The following NPAT variants were observed in gnomAD, a reference collection of about 807,000 sequenced individuals.
NPAT encodes the protein nuclear protein, coactivator of histone transcription.
NPAT carries 52 observed loss-of-function variants against 130.7 expected under a neutral mutation model. The ratio of observed to expected loss-of-function variants is 0.40; its 90% confidence interval spans 0.32 to 0.50. The LOEUF is 0.50. Among genes scored for constraint, NPAT ranks in the 20% least tolerant of loss-of-function variants. The pLI, the probability that NPAT is intolerant of heterozygous loss-of-function variation, is 0.68. For missense variants in NPAT, 1,687 were observed against 1,662.6 expected (o/e 1.01, Z -0.26); for synonymous variants, 580 against 584.8 (o/e 0.99, Z 0.12).
chr11:108,200,249 G>A (rs2078262745), intron 1 of NPAT, among the ~76,000 whole-genome samples: 1 of 152,146 alleles, frequency 6.6e-6, no homozygotes, highest in African/African-American at 2.4e-5. Context: ...CTCTTGGGAG[G>A]CAACTTATTA....
At chr11:108,216,870 G>C (rs573716645) in intron 1 of NPAT, among the ~76,000 whole-genome samples, 4 of 152,246 alleles carry the variant, frequency 2.6e-5, no homozygotes, top group African/African-American at 9.6e-5. Context: ...GATTAGATTT[G>C]ATGTATTCTG....
At chr11:108,177,209 TG>T (rs1334997745) in intron 10 of NPAT, 119 bp from the exon 11 acceptor site, 4 of 437,146 alleles carry the variant, frequency 9.2e-6, no homozygotes, top group African/African-American at 8.3e-5. Flanking sequence ...AGTGGTACAG[TG>T]GTAGAGTCAC....
At chr11:108,202,159 G>A (rs185544365) in intron 1 of NPAT, among the ~76,000 whole-genome samples, 141 of 151,822 alleles carry the variant, frequency 9.3e-4, no homozygotes, top group South Asian at 2.9e-3. Context: ...CCCTGCCCAT[G>A]CCACTATCTG....
chr11:108,180,596 G>C (rs987191373), intron 10 of NPAT, among the ~76,000 whole-genome samples: 2 of 151,242 alleles, frequency 1.3e-5, no homozygotes, highest in African/African-American at 4.9e-5. Context: ...CTTGTACACT[G>C]TTGGTGGGAA....
chr11:108,205,957 A>G (rs2078321179), intron 1 of NPAT, among the ~76,000 whole-genome samples: 1 of 152,160 alleles, frequency 6.6e-6, no homozygotes. Context: ...AGACATGAGA[A>G]TCTCTTGAAC....
chr11:108,205,797 C>CT (rs2078320060), intron 1 of NPAT, among the ~76,000 whole-genome samples: 1 of 152,266 alleles, frequency 6.6e-6, no homozygotes, highest in African/African-American at 2.4e-5. Context: ...AATCCCAGCA[C>CT]TTTGAGAGGT....
At chr11:108,214,759 AG>A (rs2078417839) in intron 1 of NPAT, among the ~76,000 whole-genome samples, 1 of 151,842 alleles carries the variant, frequency 6.6e-6, no homozygotes, top group Admixed American at 6.6e-5. Context: ...CAGCCTCCCA[AG>A]TAGCTGGGAT....
At chr11:108,207,896 G>A (rs917458511) in intron 1 of NPAT, among the ~76,000 whole-genome samples, 1 of 152,240 alleles carries the variant, frequency 6.6e-6, no homozygotes, top group Non-Finnish European at 1.5e-5. Flanking sequence ...GCTGCAGCCG[G>A]CGTCTTGGCA....
intron 15 of NPAT, among the ~76,000 whole-genome samples, chr11:108,163,555 T>C (rs551093854): frequency 1.6e-4 from 25 of 152,260 alleles, no homozygotes; most frequent in African/African-American, 5.3e-4. Flanking sequence ...AATGGGCATG[T>C]ACATTTCCAA....
intron 1 of NPAT, among the ~76,000 whole-genome samples, chr11:108,212,251 G>A (rs2078391152): frequency 6.6e-6 from 1 of 152,068 alleles, no homozygotes; most frequent in African/African-American, 2.4e-5. Context: ...CAGGCCGGGT[G>A]CAGTGGCTCA....
At chr11:108,198,909 T>A (rs77676199) in intron 1 of NPAT, among the ~76,000 whole-genome samples, 3,350 of 152,304 alleles carry the variant, frequency 0.022, 127 homozygotes, top group African/African-American at 0.076. Flanking sequence ...GGACAAGATC[T>A]CAGAACCTGC....
At chr11:108,203,309 T>C (rs892844357) in intron 1 of NPAT, among the ~76,000 whole-genome samples, 1 of 152,182 alleles carries the variant, frequency 6.6e-6, no homozygotes, top group Non-Finnish European at 1.5e-5. Context: ...CCCAATTCTG[T>C]GAACTAGGGC....
At chr11:108,194,631 C>T (rs1591406440) in intron 2 of NPAT, among the ~76,000 whole-genome samples, 5 of 152,102 alleles carry the variant, frequency 3.3e-5, no homozygotes, top group South Asian at 2.1e-4. Flanking sequence ...AAGACATCTT[C>T]GTTGTCACCA....
At chr11:108,209,572 CA>C (rs1239064856) in intron 1 of NPAT, among the ~76,000 whole-genome samples, 1 of 152,014 alleles carries the variant, frequency 6.6e-6, no homozygotes, top group Non-Finnish European at 1.5e-5. Flanking sequence ...AACAAGTAAA[CA>C]AAAACCTTAA....
At chr11:108,205,625 G>C (rs1473117828) in intron 1 of NPAT, among the ~76,000 whole-genome samples, 1 of 152,138 alleles carries the variant, frequency 6.6e-6, no homozygotes, top group African/African-American at 2.4e-5. Context: ...AAAATTGTAT[G>C]TTATCAAATA....
rs530679889 is a variant in NPAT, at chr11:108,222,602, C to G, written c.-66G>C. On this transcript the variant is annotated 5_prime_UTR_variant, in exon 1 of 18. Transcript: ENST00000278612. ...CAGGTTAAAGCAAACACAGCGACAGCTCCTGCGCCGCATCTCCTGGTTCCA... is the reference window on the plus strand; with the variant it reads ...CAGGTTAAAGCAAACACAGCGACAGGTCCTGCGCCGCATCTCCTGGTTCCA... 2 of 1,568,294 alleles carry G rather than the reference C, an allele frequency of 1.3e-6. No homozygotes were observed. Among genetic ancestry groups the G allele is most frequent in the African/African-American group, 2.7e-5 (2 of 74,120 alleles).
At chr11:108,169,574 A>T (rs754562831) in intron 15 of NPAT, among the ~76,000 whole-genome samples, 170 bp downstream of exon 15, 6 of 152,244 alleles carry the variant, frequency 3.9e-5, no homozygotes, top group Non-Finnish European at 5.9e-5. Flanking sequence ...TCTCAGAACC[A>T]AAGCTGTTCA....
intron 1 of NPAT, among the ~76,000 whole-genome samples, chr11:108,210,468 C>A (rs2078374130): frequency 6.6e-6 from 1 of 152,204 alleles, no homozygotes; most frequent in African/African-American, 2.4e-5. Flanking sequence ...CAGCTTCCCC[C>A]TTCACCTTCT....
chr11:108,181,026 G>GGATA (rs2078053370), intron 10 of NPAT, among the ~76,000 whole-genome samples: 1 of 152,148 alleles, frequency 6.6e-6, no homozygotes, highest in Admixed American at 6.5e-5. Flanking sequence ...GGTTGGCAGG[G>GGATA]GATAGGAAAA....
Sources: gnomAD v4.1 joint callset for allele counts (sites outside exome capture counted in the v4.1 genomes callset) on GRCh38, gnomAD v4.1.1 for gene constraint, MANE v1.5 for transcripts, NCBI Gene and HGNC (gene_info 2026-07-23, HGNC 2026-07-21) for gene names.